The following NEGR1 variants were observed in gnomAD, a reference collection of about 807,000 sequenced individuals.
NEGR1 encodes neuronal growth regulator 1.
NEGR1 carries 10 observed loss-of-function variants against 40.9 expected under a neutral mutation model. The observed-to-expected ratio is 0.24, with a 90% confidence interval of 0.15 to 0.42. NEGR1 has a LOEUF of 0.42. Among genes scored for constraint, NEGR1 ranks in the 10% least tolerant of loss-of-function variants. The pLI is 1.00. For missense variants in NEGR1, 352 were observed against 438.9 expected (o/e 0.80, Z 1.77); for synonymous variants, 185 against 166.8 (o/e 1.11, Z -0.84).
intron 3 of NEGR1, among the ~76,000 whole-genome samples, chr1:71,752,661 C>T (rs1362629569): frequency 1.3e-5 from 2 of 151,060 alleles, no homozygotes; most frequent in African/African-American, 4.9e-5. Flanking sequence ...ACCTTCTCCA[C>T]ATTAGAAGGA....
intron 6 of NEGR1, among the ~76,000 whole-genome samples, chr1:71,495,968 G>T (rs1285867565): frequency 6.6e-5 from 10 of 151,914 alleles, no homozygotes; most frequent in African/African-American, 2.2e-4. Flanking sequence ...ATTTTTTTTT[G>T]ATAGCAGTTT....
intron 1 of NEGR1, among the ~76,000 whole-genome samples, chr1:72,063,041 G>A (rs956773487): frequency 7.3e-5 from 11 of 151,724 alleles, no homozygotes; most frequent in East Asian, 1.9e-4. Flanking sequence ...TTAAAGAAGC[G>A]TTGATTTTAG....
At chr1:71,768,026 C>G (rs2101708295) in intron 3 of NEGR1, among the ~76,000 whole-genome samples, 1 of 152,338 alleles carries the variant, frequency 6.6e-6, no homozygotes, top group South Asian at 2.1e-4. Context: ...AATGGAAAAG[C>G]CTGGATATCC....
intron 1 of NEGR1, among the ~76,000 whole-genome samples, chr1:72,267,180 C>A (rs1655675354): frequency 6.6e-6 from 1 of 150,994 alleles, no homozygotes; most frequent in Admixed American, 6.6e-5. Context: ...AGTGAGGTAA[C>A]CAATCGGAAT....
At chr1:71,998,298 T>C (rs1384845261) in intron 1 of NEGR1, among the ~76,000 whole-genome samples, 1 of 151,984 alleles carries the variant, frequency 6.6e-6, no homozygotes, top group Non-Finnish European at 1.5e-5. Context: ...AATTAATGTG[T>C]ATTTTATTAA....
intron 1 of NEGR1, among the ~76,000 whole-genome samples, chr1:71,952,000 A>G (rs1381930196): frequency 6.6e-6 from 1 of 151,806 alleles, no homozygotes; most frequent in African/African-American, 2.4e-5. Flanking sequence ...TTCCCCAACT[A>G]CCAGTCATTC....
At chr1:71,933,474 G>A (rs1195275144) in intron 2 of NEGR1, among the ~76,000 whole-genome samples, 1 of 152,020 alleles carries the variant, frequency 6.6e-6, no homozygotes, top group East Asian at 1.9e-4. Flanking sequence ...TATTGTTCAA[G>A]TATACTTTCT....
intron 1 of NEGR1, among the ~76,000 whole-genome samples, chr1:71,984,512 T>TTATAGAA (rs1646379148): frequency 1.3e-5 from 2 of 152,080 alleles, no homozygotes; most frequent in Non-Finnish European, 2.9e-5. Flanking sequence ...AGAAAAACAA[T>TTATAGAA]AAAATTAAAA....
intron 1 of NEGR1, among the ~76,000 whole-genome samples, chr1:72,088,100 A>G (rs1006813970): frequency 3.3e-5 from 5 of 152,212 alleles, no homozygotes; most frequent in African/African-American, 1.2e-4. Context: ...TTTATGTAAC[A>G]GATTAGTGTA....
At chr1:71,732,944 A>T (rs113479208) in intron 3 of NEGR1, among the ~76,000 whole-genome samples, 21 of 152,338 alleles carry the variant, frequency 1.4e-4, no homozygotes, top group African/African-American at 5.0e-4. Flanking sequence ...TGAATTAAAC[A>T]AAAAACAAAC....
intron 1 of NEGR1, among the ~76,000 whole-genome samples, chr1:72,002,804 A>G (rs1207153106): frequency 1.3e-5 from 2 of 152,216 alleles, no homozygotes; most frequent in African/African-American, 4.8e-5. Context: ...AATTGCACCA[A>G]GGAATTTACC....
rs114483508 is a variant in NEGR1 at position 71,865,193 on chromosome 1, C to T, written c.409+69886G>A. 5.3e-3 allele frequency among the ~76,000 whole-genome samples: 807 copies of T among 152,224 alleles called. 7 individuals are homozygous for T. The highest frequency in any genetic ancestry group is 0.019 in the African/African-American group (775 of 41,540). On this transcript the variant is annotated intron_variant, in intron 2 of 6. Transcript: ENST00000357731. ...GATCATATCTGAAATATTTTCTTAG[C>T]CATACCTGAAGGTCTTCAGTAGAGC...
chr1:72,281,642 GATTAAATGTGAGGAACAGAA>G (rs1302714525), intron 1 of NEGR1, among the ~76,000 whole-genome samples: 1 of 151,310 alleles, frequency 6.6e-6, no homozygotes, highest in Non-Finnish European at 1.5e-5. Context: ...GAGGAAAGGG[GATTAAATGTGAGGAACAGAA>G]ATTAGAGTCG....
At chr1:71,665,980 G>T (rs1017233920) in intron 4 of NEGR1, among the ~76,000 whole-genome samples, 3 of 152,080 alleles carry the variant, frequency 2.0e-5, no homozygotes, top group Non-Finnish European at 4.4e-5. Flanking sequence ...ATTTGACAGA[G>T]CTTGTGCTTG....
At chr1:72,038,608 C>A (rs960946812) in intron 1 of NEGR1, among the ~76,000 whole-genome samples, 2 of 151,920 alleles carry the variant, frequency 1.3e-5, no homozygotes, top group Admixed American at 6.6e-5. Context: ...TAAAAGAGAT[C>A]ATTTCTGTCT....
chr1:71,510,252 C>T (rs769408378), intron 6 of NEGR1, among the ~76,000 whole-genome samples: 2 of 152,098 alleles, frequency 1.3e-5, no homozygotes, highest in African/African-American at 2.4e-5. Flanking sequence ...TAAACAAATG[C>T]CCATAACTTA....
intron 1 of NEGR1, among the ~76,000 whole-genome samples, chr1:71,944,727 T>TA (rs1212073755): frequency 1.3e-5 from 2 of 152,208 alleles, no homozygotes. Flanking sequence ...TGTTGATCTT[T>TA]AAGCATCCTG....
chr1:71,983,066 G>A (rs1469162065), intron 1 of NEGR1, among the ~76,000 whole-genome samples: 1 of 152,026 alleles, frequency 6.6e-6, no homozygotes, highest in African/African-American at 2.4e-5. Flanking sequence ...AATAATAAAT[G>A]TTCTTTTTAA....
Position 71,404,444 on chromosome 1 carries a change from G to A in NEGR1, c.*3002C>T, listed in dbSNP as rs12123586. On this transcript the variant is annotated 3_prime_UTR_variant, in exon 7 of 7. Coordinates refer to ENST00000357731, the MANE Select transcript of NEGR1 (RefSeq NM_173808.3). ...GTTTCAAATGCGATCATTGAAAAAC[G>A]TAGTTACACCACTTGCAGTTAAACT... is the stretch of plus-strand genomic sequence containing the variant. 0.97 allele frequency: 147,438 copies of A among 152,094 alleles called. 71,636 individuals carry two copies. The highest frequency in any genetic ancestry group is 1 in the East Asian group (5,168 of 5,168). 9.4% of individuals were successfully genotyped at this position (152,094 alleles called of 1,614,324 possible).
Sources: gnomAD v4.1 joint callset for allele counts (sites outside exome capture counted in the v4.1 genomes callset) on GRCh38, gnomAD v4.1.1 for gene constraint, MANE v1.5 for transcripts, NCBI Gene and HGNC (gene_info 2026-07-23, HGNC 2026-07-21) for gene names.